The following NCALD variants were observed in gnomAD, a reference collection of about 807,000 sequenced individuals.
The protein encoded by NCALD is neurocalcin-delta.
Under a neutral mutation model 18.6 loss-of-function variants are expected in NCALD, and 10 were observed. The ratio of observed to expected loss-of-function variants is 0.54; its 90% confidence interval spans 0.33 to 0.91. NCALD has a LOEUF of 0.91. Among genes scored for constraint, NCALD ranks in the 40% least tolerant of loss-of-function variants. The pLI is 0.03. For missense variants in NCALD, 184 were observed against 247.6 expected (o/e 0.74, Z 1.72); for synonymous variants, 88 against 87.4 (o/e 1.01, Z -0.04).
intron 1 of NCALD, among the ~76,000 whole-genome samples, chr8:102,029,353 G>A (rs76692162): frequency 0.022 from 3,333 of 152,214 alleles, 133 homozygotes; most frequent in African/African-American, 0.074. Flanking sequence ...AGTCTGTGGC[G>A]GGCCTTGAAT....
Position 102,073,695 on chromosome 8 carries a change from G to A in NCALD, c.-210+50542C>T, listed in dbSNP as rs1209910520. Among the ~76,000 whole-genome samples the A allele has an allele frequency of 2.6e-5, 4 of 152,150 alleles. No individual in the cohort carries two copies. The South Asian group carries it at 6.2e-4, about 24-fold the overall frequency. Reference sequence around the variant, plus strand: ...CTCCTAAAAGGAGTGTACAAAGATGGGTTTGCCATAAAGCTTCAGGAGCTT... The same window carrying A: ...CTCCTAAAAGGAGTGTACAAAGATGAGTTTGCCATAAAGCTTCAGGAGCTT... On this transcript the variant is annotated intron_variant, in intron 1 of 6. Coordinates refer to the NCALD transcript ENST00000311028.
At chr8:101,821,125 T>A (rs897867473) in intron 4 of NCALD, among the ~76,000 whole-genome samples, 2 of 152,202 alleles carry the variant, frequency 1.3e-5, no homozygotes, top group Non-Finnish European at 2.9e-5. Flanking sequence ...AACCAGTTGA[T>A]TTTCCCTGCA....
At chr8:102,024,492 G>T (rs1364698989) in intron 1 of NCALD, among the ~76,000 whole-genome samples, 5 of 152,150 alleles carry the variant, frequency 3.3e-5, no homozygotes, top group African/African-American at 1.2e-4. Context: ...CTTATCAAGG[G>T]CACTTATCAG....
chr8:102,123,365 C>G (rs796511641), intron 1 of NCALD, among the ~76,000 whole-genome samples: 31 of 152,072 alleles, frequency 2.0e-4, no homozygotes, highest in African/African-American at 7.5e-4. Context: ...CTCCGACAGA[C>G]CCGCAGGAAG....
At position 102,098,755 on chromosome 8, in the gene NCALD, C is replaced by A. The variant is rs142028094; in HGVS notation, c.-210+25482G>T. ...TGAGGAGGGAGGGCACCAGACCCTGCCCTCCCAAACACTTGGAATTTAACC... is the reference window on the plus strand; with the variant it reads ...TGAGGAGGGAGGGCACCAGACCCTGACCTCCCAAACACTTGGAATTTAACC... On this transcript the variant is annotated intron_variant, in intron 1 of 6. Transcript: ENST00000311028. Among the ~76,000 whole-genome samples the A allele has an allele frequency of 1.3e-3, 196 of 152,236 alleles. 1 individual carries two copies. The Middle Eastern group carries it at 0.014, about 11-fold the overall frequency.
At chr8:102,048,719 T>C (rs1431282904) in intron 1 of NCALD, among the ~76,000 whole-genome samples, 1 of 152,218 alleles carries the variant, frequency 6.6e-6, no homozygotes, top group African/African-American at 2.4e-5. Flanking sequence ...CTTATGTACT[T>C]TCTTCTATTT....
intron 1 of NCALD, among the ~76,000 whole-genome samples, chr8:102,064,369 C>G (rs1823938596): frequency 6.6e-6 from 1 of 152,170 alleles, no homozygotes; most frequent in Non-Finnish European, 1.5e-5. Context: ...GTACATGCTC[C>G]TTTAACCCAG....
intron 1 of NCALD, among the ~76,000 whole-genome samples, chr8:102,076,635 C>T (rs1587028742): frequency 1.3e-5 from 2 of 152,174 alleles, no homozygotes; most frequent in East Asian, 3.8e-4. Context: ...AGGGAACCAA[C>T]ACAAAATAAT....
chr8:101,907,495 T>C (rs183294630), intron 3 of NCALD, among the ~76,000 whole-genome samples: 34 of 150,812 alleles, frequency 2.3e-4, no homozygotes, highest in Admixed American at 2.2e-3. Flanking sequence ...TTTTATTTTA[T>C]TAAATAATTT....
At chr8:102,042,617 T>C (rs1170269188) in intron 1 of NCALD, among the ~76,000 whole-genome samples, 2 of 151,886 alleles carry the variant, frequency 1.3e-5, no homozygotes, top group South Asian at 2.1e-4. Context: ...AGGTTATGTC[T>C]TGTCGGGTCT....
chr8:101,791,164 A>G (rs1812431107), upstream of NCALD, among the ~76,000 whole-genome samples: 1 of 152,186 alleles, frequency 6.6e-6, no homozygotes, highest in Non-Finnish European at 1.5e-5. Flanking sequence ...ACACCATAGA[A>G]CCATCACGGA....
intron 1 of NCALD, among the ~76,000 whole-genome samples, chr8:101,747,061 G>T (rs1222198998): frequency 1.3e-5 from 2 of 152,090 alleles, no homozygotes; most frequent in African/African-American, 4.8e-5. Context: ...CAGTATAAGT[G>T]GTTCCAACAT....
intron 2 of NCALD, among the ~76,000 whole-genome samples, chr8:101,955,809 A>G (rs530874888): frequency 8.5e-5 from 13 of 152,330 alleles, no homozygotes; most frequent in African/African-American, 2.9e-4. Context: ...AAATTTATAT[A>G]TAGACTGTAG....
chr8:102,026,859 A>G (rs1468105269), intron 1 of NCALD, among the ~76,000 whole-genome samples: 2 of 152,208 alleles, frequency 1.3e-5, no homozygotes, highest in African/African-American at 4.8e-5. Flanking sequence ...TCTGAAATCT[A>G]GGCAGAGGTT....
intron 1 of NCALD, among the ~76,000 whole-genome samples, chr8:102,064,377 C>T (rs1195320668): frequency 6.6e-6 from 1 of 152,192 alleles, no homozygotes; most frequent in Non-Finnish European, 1.5e-5. Context: ...TCCTTTAACC[C>T]AGCCCCATGT....
intron 2 of NCALD, among the ~76,000 whole-genome samples, chr8:101,714,104 C>A (rs1815946229): frequency 6.6e-6 from 1 of 152,174 alleles, no homozygotes; most frequent in African/African-American, 2.4e-5. Flanking sequence ...CCCTCTCTCA[C>A]CATTCCTGTT....
intron 1 of NCALD, among the ~76,000 whole-genome samples, chr8:101,776,225 T>C (rs1413710901): frequency 6.6e-6 from 1 of 152,162 alleles, no homozygotes; most frequent in Non-Finnish European, 1.5e-5. Flanking sequence ...TGGCCTGTGA[T>C]CAAAAGCACA....
intron 4 of NCALD, chr8:101,872,415 C>T: frequency 1.6e-6 from 2 of 1,283,716 alleles, no homozygotes; most frequent in South Asian, 1.2e-5. Flanking sequence ...CGTATGTTGT[C>T]ACCACTGACT....
At chr8:102,104,202 G>T (rs1413221937) in intron 1 of NCALD, among the ~76,000 whole-genome samples, 2 of 152,182 alleles carry the variant, frequency 1.3e-5, no homozygotes, top group Non-Finnish European at 2.9e-5. Flanking sequence ...TTCCCAGTGA[G>T]TATTAAGATC....
Sources: allele counts gnomAD v4.1 joint callset (sites outside exome capture counted in the v4.1 genomes callset), GRCh38; gene constraint gnomAD v4.1.1; transcripts MANE v1.5; gene names NCBI Gene and HGNC (gene_info 2026-07-23, HGNC 2026-07-21).